The following NRXN3 variants were observed in gnomAD, a reference collection of about 807,000 sequenced individuals.
The protein encoded by NRXN3 is neurexin III.
A neutral mutation model predicts 137.6 loss-of-function variants in NRXN3; 32 were observed. That is an observed-to-expected ratio of 0.23 (90% CI 0.18 to 0.31). NRXN3 has a LOEUF of 0.31. Among genes scored for constraint, NRXN3 ranks in the 10% least tolerant of loss-of-function variants. The pLI is 1.00. For synonymous variants in NRXN3, 798 were observed against 784.5 expected (o/e 1.02, Z -0.29); for missense variants, 1,574 against 2,062.5 (o/e 0.76, Z 4.59).
chr14:79,718,578 T>C (rs956777267), intron 19 of NRXN3, among the ~76,000 whole-genome samples: 1 of 152,124 alleles, frequency 6.6e-6, no homozygotes, highest in African/African-American at 2.4e-5. Flanking sequence ...CTGATGAAGT[T>C]TGATTGTGGT....
intron 4 of NRXN3, among the ~76,000 whole-genome samples, chr14:78,593,028 C>G (rs2097130268): frequency 6.6e-6 from 1 of 152,138 alleles, no homozygotes; most frequent in Non-Finnish European, 1.5e-5. Context: ...TGGAGGGAGC[C>G]TTGAATCATC....
At chr14:79,839,213 C>T (rs1202303606) in intron 20 of NRXN3, among the ~76,000 whole-genome samples, 2 of 151,904 alleles carry the variant, frequency 1.3e-5, no homozygotes, top group Non-Finnish European at 2.9e-5. Flanking sequence ...AAAACAAAAA[C>T]ACCACACAAA....
At chr14:78,316,507 G>A (rs1478249901) in intron 4 of NRXN3, among the ~76,000 whole-genome samples, 2 of 152,158 alleles carry the variant, frequency 1.3e-5, no homozygotes, top group African/African-American at 4.8e-5. Context: ...TCTGAAAGGT[G>A]TTTGTTTGTT....
At chr14:79,669,185 CAG>C (rs111230546) in intron 17 of NRXN3, 4 of 152,126 alleles carry the variant, frequency 2.6e-5, no homozygotes, top group African/African-American at 9.6e-5. Flanking sequence ...TTCAGTTCAA[CAG>C]GGGGAAAAAC....
chr14:79,771,304 C>T (rs546447827), intron 19 of NRXN3, among the ~76,000 whole-genome samples: 57 of 152,202 alleles, frequency 3.7e-4, no homozygotes, highest in Admixed American at 7.9e-4. Flanking sequence ...ATACCAAAGC[C>T]GGGCAGAGAC....
At chr14:79,331,776 T>G (rs963602994) in intron 15 of NRXN3, among the ~76,000 whole-genome samples, 1 of 152,054 alleles carries the variant, frequency 6.6e-6, no homozygotes, top group African/African-American at 2.4e-5. Flanking sequence ...ATATCAAACA[T>G]GCACCCCTCT....
chr14:79,607,949 G>A (rs549846607), intron 16 of NRXN3, among the ~76,000 whole-genome samples: 1 of 152,146 alleles, frequency 6.6e-6, no homozygotes, highest in Non-Finnish European at 1.5e-5. Flanking sequence ...TGGGATTACA[G>A]ATGTGAGCCA....
intron 16 of NRXN3, among the ~76,000 whole-genome samples, chr14:79,528,532 G>A (rs1046768701): frequency 6.6e-6 from 1 of 152,078 alleles, no homozygotes; most frequent in African/African-American, 2.4e-5. Context: ...ATACTGGAAT[G>A]ATATATGTGT....
intron 10 of NRXN3, among the ~76,000 whole-genome samples, chr14:78,915,369 A>AAAAAAAAC (rs2099252340): frequency 6.8e-6 from 1 of 147,138 alleles, no homozygotes; most frequent in Non-Finnish European, 1.5e-5. Flanking sequence ...AAAAAAAAAA[A>AAAAAAAAC]AAACCACACA....
intron 8 of NRXN3, among the ~76,000 whole-genome samples, chr14:78,770,101 A>G (rs2098722068): frequency 6.6e-6 from 1 of 152,228 alleles, no homozygotes; most frequent in African/African-American, 2.4e-5. Context: ...TATTAACACA[A>G]CGGGGTGATA....
At chr14:79,424,416 C>T (rs2095625490) in intron 15 of NRXN3, among the ~76,000 whole-genome samples, 1 of 152,138 alleles carries the variant, frequency 6.6e-6, no homozygotes, top group Admixed American at 6.6e-5. Context: ...AAAGAATGTA[C>T]ATAGACAATA....
chr14:78,832,881 G>A (rs1013794381), intron 10 of NRXN3, among the ~76,000 whole-genome samples: 2 of 152,196 alleles, frequency 1.3e-5, no homozygotes, highest in Non-Finnish European at 2.9e-5. Flanking sequence ...CATTGATCCT[G>A]TTGAAGCTGT....
At chr14:78,325,299 A>G (rs960290326) in intron 4 of NRXN3, among the ~76,000 whole-genome samples, 9 of 151,906 alleles carry the variant, frequency 5.9e-5, no homozygotes, top group African/African-American at 9.7e-5. Context: ...ACAGTGTTGC[A>G]TAGGACTATC....
chr14:79,459,739 T>C (rs1469907846), intron 15 of NRXN3, among the ~76,000 whole-genome samples: 1 of 152,026 alleles, frequency 6.6e-6, no homozygotes, highest in Non-Finnish European at 1.5e-5. Context: ...CTGGTATTAG[T>C]ATTAATATTG....
chr14:79,024,013 A>G (rs2099594113), intron 15 of NRXN3, among the ~76,000 whole-genome samples: 1 of 152,126 alleles, frequency 6.6e-6, no homozygotes, highest in Non-Finnish European at 1.5e-5. Flanking sequence ...CCTAAGAATC[A>G]TTCCATGGAA....
At chr14:79,628,601 T>G (rs1292124927) in intron 16 of NRXN3, among the ~76,000 whole-genome samples, 1 of 152,176 alleles carries the variant, frequency 6.6e-6, no homozygotes, top group African/African-American at 2.4e-5. Context: ...TATGGCACTT[T>G]CAGAAGCTCG....
chr14:78,440,206 A>G (rs1375796407), intron 4 of NRXN3, among the ~76,000 whole-genome samples: 2 of 152,148 alleles, frequency 1.3e-5, no homozygotes, highest in African/African-American at 2.4e-5. Flanking sequence ...TCATTTGTTT[A>G]TTTTGTATGA....
At chr14:79,852,444 A>G (rs1254090342) in intron 20 of NRXN3, among the ~76,000 whole-genome samples, 1 of 151,964 alleles carries the variant, frequency 6.6e-6, no homozygotes. Context: ...TTTTCCCCTA[A>G]ATGCAACTTA....
chr14:79,023,108 C>CTTTT (rs33929389), intron 15 of NRXN3, among the ~76,000 whole-genome samples: 46 of 139,788 alleles, frequency 3.3e-4, no homozygotes, highest in African/African-American at 1.1e-3. Flanking sequence ...AGCCCTTTGC[C>CTTTT]TTTTTTTTTT....
Sources: gnomAD v4.1 joint callset for allele counts (sites outside exome capture counted in the v4.1 genomes callset) on GRCh38, gnomAD v4.1.1 for gene constraint, MANE v1.5 for transcripts, NCBI Gene and HGNC (gene_info 2026-07-23, HGNC 2026-07-21) for gene names.